The following ANKRD36C variants were observed in gnomAD, a reference collection of about 807,000 sequenced individuals.
ANKRD36C encodes the protein ankyrin repeat domain-containing protein 36C.
ANKRD36C carries 61 observed loss-of-function variants against 276.4 expected under a neutral mutation model. The observed-to-expected ratio is 0.22, with a 90% CI of 0.18 to 0.27. The LOEUF (loss-of-function observed/expected upper bound fraction) is 0.27. Among genes scored for constraint, ANKRD36C ranks in the 10% least tolerant of loss-of-function variants. The pLI is 1.00. For synonymous variants in ANKRD36C, 483 were observed against 680.1 expected (o/e 0.71, Z 4.51); for missense variants, 1,447 against 2,032.3 (o/e 0.71, Z 5.54).
chr2:95,888,546 T>C (rs1032295539), intron 48 of ANKRD36C, among the ~76,000 whole-genome samples: 1 of 151,740 alleles, frequency 6.6e-6, no homozygotes, highest in African/African-American at 2.4e-5. Context: ...CATTGTGCTC[T>C]TTAACTTGCC....
At chr2:95,963,974 T>C (rs1283131266) in intron 6 of ANKRD36C, among the ~76,000 whole-genome samples, 1 of 31,920 alleles carries the variant, frequency 3.1e-5, no homozygotes, top group South Asian at 1.4e-3. Flanking sequence ...TATATATAAA[T>C]ATATATATAT....
At chr2:95,978,283 C>G in intron 5 of ANKRD36C, 94 bp from the exon 6 acceptor site, 1 of 427,632 alleles carries the variant, frequency 2.3e-6, no homozygotes, top group Non-Finnish European at 4.3e-6. Flanking sequence ...TGAACAATAT[C>G]AGGATGTTAA....
Position 95,897,323 on chromosome 2 carries a change from T to A in ANKRD36C, c.2755+1822A>T, listed in dbSNP as rs1373934226. The A allele has an allele frequency of 8.4e-6, 13 of 1,547,582 alleles. No homozygotes were observed. The Admixed American group carries it at 1.7e-4, about 20-fold the overall frequency. On this transcript the variant is annotated intron_variant, in intron 44 of 66. Coordinates refer to ENST00000456556, the Ensembl canonical transcript of ANKRD36C. ...TCCTCTGGCTATATTCAAAAGAGAA[T>A]CTTTCTCATCTCTTGTAGCCTGAAT...
At chr2:95,853,779 G>A (rs773128075) in exon 64 of ANKRD36C, 6 of 1,604,880 alleles carry the variant, frequency 3.7e-6, no homozygotes, top group Middle Eastern at 2.3e-4. Flanking sequence ...GCAGTGACGC[G>A]ATGAAGCATC....
chr2:95,958,256 A>G (rs1002484629), intron 12 of ANKRD36C, among the ~76,000 whole-genome samples: 1 of 151,924 alleles, frequency 6.6e-6, no homozygotes, highest in Non-Finnish European at 1.5e-5. Context: ...TACAATTTCT[A>G]GTACTTCATC....
At chr2:95,954,761 A>G (rs551609955) in intron 13 of ANKRD36C, among the ~76,000 whole-genome samples, 1 of 152,306 alleles carries the variant, frequency 6.6e-6, no homozygotes, top group African/African-American at 2.4e-5. Flanking sequence ...GAACCTTCAT[A>G]GACACTCAGA....
chr2:95,948,021 G>T (rs1379490177), intron 17 of ANKRD36C, among the ~76,000 whole-genome samples: 3 of 151,858 alleles, frequency 2.0e-5, no homozygotes, highest in Non-Finnish European at 2.9e-5. Context: ...TAAAGAAGTA[G>T]CTCTCTGCAA....
At chr2:95,957,513 C>A (rs917104559) in intron 12 of ANKRD36C, among the ~76,000 whole-genome samples, 13 of 152,288 alleles carry the variant, frequency 8.5e-5, no homozygotes, top group African/African-American at 2.7e-4. Context: ...AATGAGCCTA[C>A]ACTTTTGTAT....
chr2:95,955,265 A>G (rs1488818874), intron 13 of ANKRD36C, among the ~76,000 whole-genome samples: 1 of 152,282 alleles, frequency 6.6e-6, no homozygotes, highest in African/African-American at 2.4e-5. Flanking sequence ...CCACATTCCT[A>G]TCTCCTCTGG....
At chr2:95,983,936 G>A (rs2104540296) in intron 3 of ANKRD36C, among the ~76,000 whole-genome samples, 1 of 152,042 alleles carries the variant, frequency 6.6e-6, no homozygotes, top group South Asian at 2.1e-4. Context: ...ATTTTTAGGA[G>A]GCAATGCTGA....
At chr2:95,908,280 T>G (rs1482214439) in intron 42 of ANKRD36C, among the ~76,000 whole-genome samples, 5 of 150,608 alleles carry the variant, frequency 3.3e-5, no homozygotes, top group African/African-American at 1.2e-4. Context: ...TCCATATTTC[T>G]TCTTCCCAAT....
In ANKRD36C at chr2:95,853,976, A is replaced by G. The variant is rs1675351848; in HGVS notation, c.4996-115T>C. 3 of 1,293,318 alleles carry G rather than the reference A, an allele frequency of 2.3e-6. No individual in the cohort carries two copies. The Admixed American group carries it at 7.7e-5, about 33-fold the overall frequency. The allele number at this position is 1,293,318 out of a possible 1,614,324, so 80.1% of individuals were successfully genotyped here. ...AAAATATCACCACACAGACCGATTC[A>G]CCTTCTTTTCCTCATGTGTACACAT... On this transcript the variant is annotated intron_variant, in intron 63 of 66. Coordinates refer to ENST00000456556, the Ensembl canonical transcript of ANKRD36C.
chr2:95,864,598 A>T (rs1675647325), intron 60 of ANKRD36C, among the ~76,000 whole-genome samples: 1 of 152,068 alleles, frequency 6.6e-6, no homozygotes, highest in African/African-American at 2.4e-5. Flanking sequence ...ATCCAAGTTT[A>T]AAAAAAGAAA....
At chr2:95,860,218 G>C in intron 60 of ANKRD36C, 144 bp from the exon 81 acceptor site, 1 of 662,264 alleles carries the variant, frequency 1.5e-6, no homozygotes. Context: ...AGATATTATA[G>C]TAAGGTCTGC....
Position 95,853,778 on chromosome 2 carries a change from C to T in ANKRD36C, c.5079G>A (p.Ser1693=), listed in dbSNP as rs772303036. Residue 1693 remains serine (S), a synonymous_variant, in exon 64 of 67, where the codon TCG becomes TCA. Coordinates refer to ENST00000456556, the Ensembl canonical transcript of ANKRD36C. ...CATTTTCTAAATAGATGCAGTGACG[C>T]GATGAAGCATCCAGCAAAGCTTTTG... The T allele has an allele frequency of 2.4e-5, 38 of 1,604,428 alleles. No individual in the cohort carries two copies. Among genetic ancestry groups the T allele is most frequent in the African/African-American group, 6.7e-5 (5 of 74,774 alleles).
intron 58 of ANKRD36C, among the ~76,000 whole-genome samples, chr2:95,879,055 A>C (rs1676016726): frequency 1.3e-5 from 2 of 152,216 alleles, no homozygotes; most frequent in South Asian, 4.1e-4. Flanking sequence ...ATTTGGAATC[A>C]ATCTAAATGT....
chr2:95,977,397 A>G (rs1277131752), intron 6 of ANKRD36C, among the ~76,000 whole-genome samples: 1 of 152,222 alleles, frequency 6.6e-6, no homozygotes, highest in African/African-American at 2.4e-5. Flanking sequence ...AAAATTCCCT[A>G]TCAACTATTA....
intron 6 of ANKRD36C, among the ~76,000 whole-genome samples, chr2:95,975,060 A>G (rs1678780322): frequency 6.6e-6 from 1 of 151,958 alleles, no homozygotes; most frequent in African/African-American, 2.4e-5. Context: ...TCAGTGTTGG[A>G]CATTTGGGTT....
In ANKRD36C at chr2:95,963,993, ATATATATATATATATATATATGTGTG is replaced by A. The variant is rs1208803506; in HGVS notation, c.800-1472_800-1447del. Among the ~76,000 whole-genome samples the A allele has an allele frequency of 4.5e-3, 125 of 27,758 alleles. 1 individual carries two copies. Among genetic ancestry groups the A allele is most frequent in the South Asian group, 0.014 (11 of 800 alleles). The allele number at this position is 27,758 out of a possible 152,430, so 18.2% of individuals were successfully genotyped here. On this transcript the variant is annotated intron_variant, in intron 6 of 66. Transcript: ENST00000456556. ...TATAAATATATATATATATATATAT[ATATATATATATATATATATATGTGTG>A]TGTGTGTCATGATTGCCAAGAATAT...
Sources: allele counts gnomAD v4.1 joint callset (sites outside exome capture counted in the v4.1 genomes callset), GRCh38; gene constraint gnomAD v4.1.1; transcripts MANE v1.5; gene names NCBI Gene and HGNC (gene_info 2026-07-23, HGNC 2026-07-21).